Variants in RCOR1 observed in about 807,000 individuals in gnomAD.
RCOR1 encodes REST corepressor.
In RCOR1, 12 loss-of-function variants were observed where a neutral mutation model predicts 64.0. The ratio of observed to expected loss-of-function variants is 0.19; its 90% CI spans 0.12 to 0.30. RCOR1 has a LOEUF of 0.30. RCOR1 is among the 10% of genes least tolerant of loss of function. The pLI is 1.00. For missense variants in RCOR1, 502 were observed against 621.2 expected (o/e 0.81, Z 2.04); for synonymous variants, 279 against 227.2 (o/e 1.23, Z -2.05).
intron 8 of RCOR1, among the ~76,000 whole-genome samples, chr14:102,718,372 G>A (rs1202091268): frequency 2.0e-5 from 3 of 152,170 alleles, no homozygotes; most frequent in East Asian, 1.9e-4. Flanking sequence ...CTGTGTGCCC[G>A]TGCGTTGCGT....
At chr14:102,604,409 TTGTC>T (rs1893462784) in intron 2 of RCOR1, among the ~76,000 whole-genome samples, 1 of 152,188 alleles carries the variant, frequency 6.6e-6, no homozygotes, top group Non-Finnish European at 1.5e-5. Context: ...GAGGTACAAC[TTGTC>T]ATCACTAACA....
intron 11 of RCOR1, among the ~76,000 whole-genome samples, chr14:102,723,500 T>C (rs1896203315): frequency 1.3e-5 from 2 of 152,258 alleles, no homozygotes; most frequent in African/African-American, 4.8e-5. Context: ...TAGAGCCTTT[T>C]GCCAGAAAAT....
chr14:102,620,578 C>T (rs970009394), intron 2 of RCOR1, among the ~76,000 whole-genome samples: 8 of 151,998 alleles, frequency 5.3e-5, no homozygotes, highest in Non-Finnish European at 1.0e-4. Flanking sequence ...AAAAATTAGT[C>T]GGGCACAATG....
At chr14:102,690,089 G>T (rs952225622) in intron 3 of RCOR1, among the ~76,000 whole-genome samples, 2 of 152,062 alleles carry the variant, frequency 1.3e-5, no homozygotes, top group Middle Eastern at 3.4e-3. Flanking sequence ...GAAAAAAATT[G>T]CATGTAACAT....
intron 2 of RCOR1, among the ~76,000 whole-genome samples, chr14:102,628,471 C>T (rs897785608): frequency 4.7e-4 from 71 of 151,862 alleles, no homozygotes; most frequent in Non-Finnish European, 8.8e-5. Context: ...CTCTCTCTCT[C>T]TCTTTTCTTT....
intron 2 of RCOR1, among the ~76,000 whole-genome samples, chr14:102,654,527 A>G (rs2139933296): frequency 6.6e-6 from 1 of 152,012 alleles, no homozygotes; most frequent in East Asian, 1.9e-4. Context: ...TGTTGGAACC[A>G]CAGTTCTCTG....
intron 2 of RCOR1, among the ~76,000 whole-genome samples, chr14:102,643,085 A>G (rs536878072): frequency 6.6e-6 from 1 of 152,180 alleles, no homozygotes; most frequent in East Asian, 1.9e-4. Flanking sequence ...GATCAAGACC[A>G]TCCTGGCTAA....
At chr14:102,721,166 C>T (rs1896162037) in intron 9 of RCOR1, 82 bp downstream of exon 9, 1 of 1,011,944 alleles carries the variant, frequency 9.9e-7, no homozygotes. Flanking sequence ...GATACATCCC[C>T]AGTATACATC....
chr14:102,647,721 C>T (rs1894506187), intron 2 of RCOR1, among the ~76,000 whole-genome samples: 1 of 151,972 alleles, frequency 6.6e-6, no homozygotes, highest in Admixed American at 6.6e-5. Flanking sequence ...ATCTGTCGCC[C>T]TGGCTGGGGC....
intron 2 of RCOR1, among the ~76,000 whole-genome samples, chr14:102,653,968 TTTCTTTCTTTC>T (rs1894658058): frequency 1.9e-5 from 1 of 53,262 alleles, no homozygotes; most frequent in Admixed American, 2.0e-4. Context: ...TCTTTCTTTC[TTTCTTTCTTTC>T]TTTCTTTTTT....
intron 2 of RCOR1, among the ~76,000 whole-genome samples, chr14:102,637,032 C>A (rs552072258): frequency 2.6e-5 from 4 of 152,152 alleles, no homozygotes; most frequent in Admixed American, 2.6e-4. Context: ...ACTAGCAAGC[C>A]TTTTGACATA....
At chr14:102,698,908 G>A (rs1895698655) in intron 3 of RCOR1, among the ~76,000 whole-genome samples, 1 of 149,402 alleles carries the variant, frequency 6.7e-6, no homozygotes, top group Admixed American at 6.7e-5. Context: ...ACACTTTGGA[G>A]TAATTCCCTG....
At chr14:102,716,626 C>T (rs556421965) in intron 8 of RCOR1, among the ~76,000 whole-genome samples, 5 of 146,330 alleles carry the variant, frequency 3.4e-5, no homozygotes, top group South Asian at 4.1e-4. Context: ...TCCTTTGCAA[C>T]GCAGCAGGAC....
At chr14:102,599,803 G>GTTTTT (rs758594132) in intron 2 of RCOR1, among the ~76,000 whole-genome samples, 1 of 93,786 alleles carries the variant, frequency 1.1e-5, no homozygotes, top group Non-Finnish European at 2.3e-5. Flanking sequence ...GTTTTGTTTT[G>GTTTTT]TTTTGTTTTT....
chr14:102,623,112 A>G (rs1383338058), intron 2 of RCOR1, among the ~76,000 whole-genome samples: 3 of 152,104 alleles, frequency 2.0e-5, no homozygotes, highest in Non-Finnish European at 4.4e-5. Flanking sequence ...TTAAAAGCAC[A>G]TCTTTGCTTT....
chr14:102,603,554 T>A (rs186890526), intron 2 of RCOR1, among the ~76,000 whole-genome samples: 1 of 151,802 alleles, frequency 6.6e-6, no homozygotes, highest in Non-Finnish European at 1.5e-5. Flanking sequence ...GGCCCAGGGG[T>A]GTCTGTAAAT....
At chr14:102,707,613 C>A in intron 5 of RCOR1, 101 bp downstream of exon 5, 1 of 1,025,482 alleles carries the variant, frequency 9.8e-7, no homozygotes, top group Non-Finnish European at 1.4e-6. Context: ...ATAAATATTC[C>A]CATTTTTGAT....
At chr14:102,605,801 G>C (rs1403235560) in intron 2 of RCOR1, among the ~76,000 whole-genome samples, 1 of 152,170 alleles carries the variant, frequency 6.6e-6, no homozygotes, top group Non-Finnish European at 1.5e-5. Flanking sequence ...TCTAGAATAT[G>C]ACACCTCCAT....
At position 102,722,423 on chromosome 14, in the gene RCOR1, C is replaced by G; in HGVS notation, c.1419+7C>G. The G allele has an allele frequency of 6.2e-7, 1 of 1,604,074 alleles. No homozygotes were observed. The highest frequency in any genetic ancestry group is 8.5e-7 in the Non-Finnish European group (1 of 1,172,676). ...GCCCGAAGAGGAAGACGAGGTAAAT[C>G]TGAAACAAAACAGTCACTTCTCTTG... On this transcript the variant is annotated splice_region_variant and intron_variant, in intron 11 of 11. Transcript: ENST00000262241.
Sources: gnomAD v4.1 joint callset for allele counts (sites outside exome capture counted in the v4.1 genomes callset) on GRCh38, gnomAD v4.1.1 for gene constraint, MANE v1.5 for transcripts, NCBI Gene and HGNC (gene_info 2026-07-23, HGNC 2026-07-21) for gene names.